Variants in PCDH15 observed in about 807,000 individuals in gnomAD.
PCDH15 encodes the protein protocadherin related 15, also known as protocadherin-15.
A neutral mutation model predicts 178.5 loss-of-function variants in PCDH15; 129 were observed. The ratio of observed to expected loss-of-function variants is 0.72; its 90% CI spans 0.63 to 0.84. PCDH15 has a LOEUF of 0.84. Ranked by LOEUF, PCDH15 falls within the 40% of genes least tolerant of loss-of-function variation. The pLI, the probability that PCDH15 is intolerant of heterozygous loss-of-function variation, is 0.00. For missense variants in PCDH15, 2,230 were observed against 2,099.9 expected (o/e 1.06, Z -1.21); for synonymous variants, 800 against 732.0 (o/e 1.09, Z -1.50).
chr10:54,066,844 A>C lies in PCDH15; in HGVS notation c.2133T>G (p.Asn711Lys). The part of the protein sequence containing the change: ...ATVNIVVTDV[N>K]DNAPVFDPYL... ...AAGGATCAAACACTGGAGCATTGTC[A>C]TTGACATCTGTCACCACTATGTTTA... Residue 711 changes from asparagine to lysine, a missense_variant, in exon 18 of 38, where the codon AAT becomes AAG. Transcript: ENST00000644397. The C allele has an allele frequency of 6.2e-7, 1 of 1,613,482 alleles. No homozygotes were observed. The highest frequency in any genetic ancestry group is 8.5e-7 in the Non-Finnish European group (1 of 1,179,588).
At chr10:53,811,211 G>A (rs2075851959) in intron 36 of PCDH15, among the ~76,000 whole-genome samples, 1 of 152,084 alleles carries the variant, frequency 6.6e-6, no homozygotes, top group Non-Finnish European at 1.5e-5. Context: ...AAACTGATTA[G>A]ATAAAACATT....
intron 2 of PCDH15, chr10:54,585,613 TG>T: frequency 8.7e-5 from 4 of 46,160 alleles, no homozygotes; most frequent in South Asian, 4.5e-4. Flanking sequence ...TAGCAATATG[TG>T]TTTTTTTTTT....
At position 54,240,626 on chromosome 10, in the gene PCDH15, C is replaced by CTTTTTTTTT. The variant is rs1228784141; in HGVS notation, c.877-3704_877-3696dup. On this transcript the variant is annotated intron_variant, in intron 8 of 37. Transcript: ENST00000644397. ...AAATTCTGTTATTTATTTTCTTTTG[C>CTTTTTTTTT]TTTTTTTTTTTTTTTTTTTTTTTGA... 3.1e-4 allele frequency among the ~76,000 whole-genome samples: 25 copies of CTTTTTTTTT among 79,682 alleles called. 1 individual carries two copies. The highest frequency in any genetic ancestry group is 4.3e-4 in the Non-Finnish European group (19 of 43,976). The allele number at this position is 79,682 out of a possible 152,430, so 52.3% of individuals were successfully genotyped here. A position where few individuals can be genotyped will look rare whatever the true frequency, so the allele number is the denominator to read the frequency against.
intron 1 of PCDH15, among the ~76,000 whole-genome samples, chr10:54,774,538 CACAT>C (rs1306684715): frequency 6.6e-6 from 1 of 152,082 alleles, no homozygotes; most frequent in African/African-American, 2.4e-5. Flanking sequence ...TACATACAAT[CACAT>C]ACACATCCAA....
At position 54,155,840 on chromosome 10, in the gene PCDH15, G is replaced by A. The variant is rs112270789; in HGVS notation, c.1591-2547C>T. 2.7e-3 allele frequency among the ~76,000 whole-genome samples: 401 copies of A among 150,178 alleles called. 1 individual carries two copies. Among genetic ancestry groups the A allele is most frequent in the African/African-American group, 9.3e-3 (381 of 40,870 alleles). Reference sequence around the variant, plus strand: ...AAAACCTCAACGACATTACACAGTAGATGTCCCCTTCTGAAGTCTATTAGA... The same window carrying A: ...AAAACCTCAACGACATTACACAGTAAATGTCCCCTTCTGAAGTCTATTAGA... On this transcript the variant is annotated intron_variant, in intron 13 of 37. Coordinates refer to ENST00000644397, the MANE Select transcript of PCDH15 (RefSeq NM_001384140.1).
intron 5 of PCDH15, among the ~76,000 whole-genome samples, chr10:54,351,058 C>T (rs11816643): frequency 0.054 from 8,193 of 151,596 alleles, 249 homozygotes; most frequent in Admixed American, 0.099. Flanking sequence ...GAGCTGAGAT[C>T]GTGGCACTGC....
intron 25 of PCDH15, among the ~76,000 whole-genome samples, chr10:53,935,176 T>G (rs1291080563): frequency 6.6e-6 from 1 of 151,994 alleles, no homozygotes; most frequent in Non-Finnish European, 1.5e-5. Context: ...AAATTTAATT[T>G]AAAAAAAGAA....
chr10:55,285,089 T>C (rs1003555350), intron 1 of PCDH15, among the ~76,000 whole-genome samples: 3 of 151,084 alleles, frequency 2.0e-5, no homozygotes, highest in Non-Finnish European at 1.5e-5. Context: ...TTTCCATCTA[T>C]GTTTTCTATA....
chr10:53,903,958 A>G (rs2082499467), intron 25 of PCDH15, among the ~76,000 whole-genome samples: 1 of 152,108 alleles, frequency 6.6e-6, no homozygotes, highest in Admixed American at 6.5e-5. Flanking sequence ...TTCATTGAAA[A>G]CAATGGAGCT....
chr10:54,513,331 G>C (rs1002551374), intron 3 of PCDH15, among the ~76,000 whole-genome samples: 1 of 151,258 alleles, frequency 6.6e-6, no homozygotes, highest in African/African-American at 2.4e-5. Context: ...TGCAATCTCG[G>C]CTCACTGCAA....
At chr10:54,862,180 A>G (rs531467435) in intron 3 of PCDH15, among the ~76,000 whole-genome samples, 9 of 152,316 alleles carry the variant, frequency 5.9e-5, no homozygotes, top group African/African-American at 2.2e-4. Flanking sequence ...GATTTAAACA[A>G]TGCACACAGA....
At chr10:55,094,419 AT>A (rs1842396548) in intron 2 of PCDH15, among the ~76,000 whole-genome samples, 1 of 152,038 alleles carries the variant, frequency 6.6e-6, no homozygotes, top group Admixed American at 6.6e-5. Context: ...GAGGGATAGC[AT>A]TTAGGAGGAA....
intron 2 of PCDH15, among the ~76,000 whole-genome samples, chr10:55,525,562 T>C (rs1030975932): frequency 1.3e-5 from 2 of 151,876 alleles, no homozygotes; most frequent in Non-Finnish European, 2.9e-5. Flanking sequence ...TTTCTGCTTA[T>C]AAGGAAGTCT....
chr10:54,110,262 A>T (rs2094993304), intron 15 of PCDH15, among the ~76,000 whole-genome samples: 1 of 151,610 alleles, frequency 6.6e-6, no homozygotes, highest in Non-Finnish European at 1.5e-5. Flanking sequence ...CATAAATACA[A>T]TGAAGGTAAG....
chr10:55,262,685 T>C (rs1842177086), intron 1 of PCDH15, among the ~76,000 whole-genome samples: 1 of 152,118 alleles, frequency 6.6e-6, no homozygotes, highest in Admixed American at 6.6e-5. Flanking sequence ...GCATCTCCCT[T>C]CTGGCTTCCC....
intron 3 of PCDH15, chr10:54,864,771 T>C (rs1368451389): frequency 6.6e-6 from 1 of 152,166 alleles, no homozygotes; most frequent in Non-Finnish European, 1.5e-5. Context: ...CTACTTCCCA[T>C]GCCAGCTGGC....
At chr10:54,602,964 T>C (rs1203127707) in intron 2 of PCDH15, among the ~76,000 whole-genome samples, 1 of 151,930 alleles carries the variant, frequency 6.6e-6, no homozygotes, top group East Asian at 1.9e-4. Flanking sequence ...AGGTCGATGC[T>C]GGCTACATGA....
chr10:54,643,243 ACTC>A (rs2094035817), intron 2 of PCDH15, among the ~76,000 whole-genome samples: 1 of 152,066 alleles, frequency 6.6e-6, no homozygotes, highest in Non-Finnish European at 1.5e-5. Context: ...TGATGAACCT[ACTC>A]TGACATATGT....
In PCDH15 at chr10:54,932,420, GCTAA is replaced by G. The variant is rs546612539; in HGVS notation, c.-79-34924_-79-34921del. Among the ~76,000 whole-genome samples the G allele has an allele frequency of 2.6e-5, 4 of 152,150 alleles. No individual in the cohort carries two copies. In the South Asian group the frequency reaches 8.3e-4, roughly 31 times the overall value. On this transcript the variant is annotated intron_variant, in intron 2 of 5. Transcript: ENST00000458638. The stretch of plus-strand genomic sequence containing the variant: ...CAGCTGTATGATGTGTTTGTTTTAA[GCTAA>G]CTCTCATTGCAAAGATTAAAAAATG...
Sources: gnomAD v4.1 joint callset for allele counts (sites outside exome capture counted in the v4.1 genomes callset) on GRCh38, gnomAD v4.1.1 for gene constraint, MANE v1.5 for transcripts, NCBI Gene and HGNC (gene_info 2026-07-23, HGNC 2026-07-21) for gene names.